The following THBS2 variants were observed in gnomAD, a reference collection of about 807,000 sequenced individuals.
The protein encoded by THBS2 is thrombospondin 2.
A neutral mutation model predicts 135.2 loss-of-function variants in THBS2; 47 were observed. The ratio of observed to expected loss-of-function variants is 0.35; its 90% CI spans 0.28 to 0.44. The LOEUF (loss-of-function observed/expected upper bound fraction) is 0.44. THBS2 is among the 20% of genes least tolerant of loss of function. The pLI, the probability that THBS2 is intolerant of heterozygous loss-of-function variation, is 1.00. For missense variants in THBS2, 1,288 were observed against 1,603.1 expected (o/e 0.80, Z 3.36); for synonymous variants, 639 against 633.8 (o/e 1.01, Z -0.12).
At chr6:169,247,312 G>A (rs1163491227) in intron 3 of THBS2, among the ~76,000 whole-genome samples, 1 of 152,194 alleles carries the variant, frequency 6.6e-6, no homozygotes, top group Non-Finnish European at 1.5e-5. Flanking sequence ...GTACGTATGT[G>A]CTGACAACTG....
intron 8 of THBS2, 38 bp from the exon 9 acceptor site, chr6:169,237,384 C>G (rs774854491): frequency 2.5e-6 from 4 of 1,610,700 alleles, no homozygotes; most frequent in Non-Finnish European, 3.4e-6. Context: ...GCTGTGCCGC[C>G]TAGAGGGGTA....
Position 169,243,006 on chromosome 6 carries a change from T to TGC in THBS2, c.695-1049_695-1048insGC, listed in dbSNP as rs1562363420. 6.4e-4 allele frequency among the ~76,000 whole-genome samples: 64 copies of TGC among 100,114 alleles called. 5 individuals are homozygous for TGC. Among genetic ancestry groups the TGC allele is most frequent in the African/African-American group, 2.4e-3 (59 of 25,066 alleles). 65.7% of individuals were successfully genotyped at this position (100,114 alleles called of 152,430 possible). On this transcript the variant is annotated intron_variant, in intron 4 of 21. Coordinates refer to ENST00000617924, the MANE Select transcript of THBS2 (RefSeq NM_003247.5). Reference sequence around the variant, plus strand: ...CTTCCCACATTCGCACCTTCCCACCTTCCCACATTCCCACCTTCCCACCTT... The same window carrying TGC: ...CTTCCCACATTCGCACCTTCCCACCTGCTCCCACATTCCCACCTTCCCACCTT...
chr6:169,243,502 T>G (rs1056747749), intron 4 of THBS2, among the ~76,000 whole-genome samples: 9 of 152,136 alleles, frequency 5.9e-5, no homozygotes, highest in African/African-American at 2.2e-4. Flanking sequence ...TTTACAGCGC[T>G]GTCAGGCATT....
At chr6:169,222,056 T>C in intron 19 of THBS2, 141 bp downstream of exon 19, 1 of 1,019,532 alleles carries the variant, frequency 9.8e-7, no homozygotes, top group African/African-American at 1.6e-5. Context: ...TATAATAAAG[T>C]AAGATTATTA....
intron 21 of THBS2, among the ~76,000 whole-genome samples, chr6:169,218,452 AGATG>A (rs1267555462): frequency 5.9e-4 from 57 of 97,316 alleles, no homozygotes; most frequent in Non-Finnish European, 1.0e-3. Context: ...TGGGTGGCTG[AGATG>A]GATGGATGGG....
At position 169,222,377 on chromosome 6, in the gene THBS2, G is replaced by A. The variant is rs1258132453; in HGVS notation, c.3093C>T (p.Tyr1031=). 6.2e-7 allele frequency: 1 copy of A among 1,613,682 alleles called. No homozygotes were observed. Among genetic ancestry groups the A allele is most frequent in the East Asian group, 2.2e-5 (1 of 44,872 alleles). The stretch of plus-strand genomic sequence containing the variant: ...CCACATAGAAGCGGCTGCTTGACTG[G>A]TAACCAAAGACGAAGCCGGCATAGT... ...DDDYAGFVFG[Y]QSSSRFYVVM... The change falls in exon 19 of 22, where the codon TAC becomes TAT. Residue 1031 remains tyrosine, a synonymous_variant. Transcript: ENST00000617924.
At position 169,220,323 on chromosome 6, in the gene THBS2, TC is replaced by T; in HGVS notation, c.3385del (p.Glu1129LysfsTer82). 6.2e-7 allele frequency: 1 copy of T among 1,612,572 alleles called. No homozygotes were observed. The highest frequency in any genetic ancestry group is 8.5e-7 in the Non-Finnish European group (1 of 1,179,416). On this transcript the variant is annotated frameshift_variant, in exon 21 of 22. Transcript: ENST00000617924. LOFTEE classifies it high-confidence loss of function. Reference protein sequence around the residue: ...KTGYIRVLVHEGKQVMADSGP... With the variant: ...KTGYIRVLVHXGKQVMADSGP... ...TGAGTCTGCCATGACCTGTTTTCCT[TC>T]ATGCACTAAGACTCTAAAAATGGTG...
chr6:169,232,282 C>T (rs1779867178), intron 12 of THBS2, 84 bp from the exon 13 acceptor site: 2 of 1,477,100 alleles, frequency 1.4e-6, no homozygotes, highest in African/African-American at 1.4e-5. Context: ...GCACCGCAGG[C>T]CCCAGCAGGT....
chr6:169,245,462 C>T (rs1780507433), intron 4 of THBS2, among the ~76,000 whole-genome samples: 1 of 152,140 alleles, frequency 6.6e-6, no homozygotes, highest in South Asian at 2.1e-4. Flanking sequence ...GCATAGATTT[C>T]CATCATATGA....
In THBS2 at chr6:169,241,417, A is replaced by G. The variant is rs972352151; in HGVS notation, c.891+345T>C. On this transcript the variant is annotated intron_variant, in intron 5 of 21. Coordinates refer to ENST00000617924, the MANE Select transcript of THBS2 (RefSeq NM_003247.5). This position sits in a 1 kb window ranked among gnomAD's most constrained non-coding sequence, Gnocchi z 5.5. ...CCTCTGCAGGTGTGTGTGTGTGTGT[A>G]TGTGTGTGTATGTGTGTGTGTATGT... Among the ~76,000 whole-genome samples the G allele has an allele frequency of 2.0e-5, 3 of 148,376 alleles. No individual in the cohort carries two copies. The highest frequency in any genetic ancestry group is 3.0e-5 in the Non-Finnish European group (2 of 67,012).
Position 169,232,092 on chromosome 6 carries a change from C to A in THBS2, c.2039G>T (p.Cys680Phe). 6.2e-7 allele frequency: 1 copy of A among 1,614,120 alleles called. No individual in the cohort carries two copies. The change falls in exon 13 of 22, where the codon TGC becomes TTC. Residue 680 changes from cysteine to phenylalanine, a missense_variant. Cys to Phe is a radical substitution (Grantham distance 205, BLOSUM62 -2). This residue lies in a region of THBS2 where 874 missense variants were observed against 1,156.1 expected (regional missense o/e 0.76). Coordinates refer to ENST00000617924, the MANE Select transcript of THBS2 (RefSeq NM_003247.5). ...CCCGTCGCCCGCGTAGCCTGTCTGG[C>A]ACTCGCACTTGTACATGGGGTCGCT... is the stretch of plus-strand genomic sequence containing the variant. ...HFSDPMYKCE[C>F]QTGYAGDGLI...
chr6:169,229,807 C>T (rs1438238237), intron 13 of THBS2, 128 bp from the exon 14 acceptor site: 36 of 703,706 alleles, frequency 5.1e-5, no homozygotes, highest in Non-Finnish European at 6.9e-5. Context: ...CGATCTCAAG[C>T]GGGAGCTGAG....
chr6:169,233,128 T>C, intron 10 of THBS2, 111 bp from the exon 11 acceptor site: 2 of 1,381,858 alleles, frequency 1.4e-6, no homozygotes, highest in Non-Finnish European at 1.9e-6. Context: ...TCGAATTGTG[T>C]AGTCAGGAAC....
At chr6:169,233,090 C>T (rs11756502) in intron 10 of THBS2, 73 bp from the exon 11 acceptor site, 297,610 of 1,430,916 alleles carry the variant, frequency 0.21, 34,821 homozygotes, top group African/African-American at 0.43. Flanking sequence ...CCCTGTGGGC[C>T]GTCAAACACT....
At position 169,248,707 on chromosome 6, in the gene THBS2, C is replaced by T. The variant is rs1780648984; in HGVS notation, c.319G>A (p.Gly107Ser). 10 of 1,613,600 alleles carry T rather than the reference C, an allele frequency of 6.2e-6. No homozygotes were observed. Among genetic ancestry groups the T allele is most frequent in the East Asian group, 2.2e-5 (1 of 44,802 alleles). The stretch of plus-strand genomic sequence containing the variant: ...ATCTCGAACTGCCTCTGGGAGAGAC[C>T]GGGGCCCTCCAGAGCCAACAGCGTG... ...RGTLLALEGP[G>S]LSQRQFEIVS... The change falls in exon 3 of 22, where the codon GGT becomes AGT. Residue 107 changes from glycine (G) to serine (S), a missense_variant. Physicochemically the swap from Gly to Ser is moderately conservative, Grantham distance 56 (BLOSUM62 0). Coordinates refer to ENST00000617924, the MANE Select transcript of THBS2 (RefSeq NM_003247.5).
chr6:169,220,263 C>G lies in THBS2; in HGVS notation c.3446G>C (p.Arg1149Pro), dbSNP rs748523629. The G allele has an allele frequency of 6.2e-7, 1 of 1,613,904 alleles. No homozygotes were observed. The highest frequency in any genetic ancestry group is 8.5e-7 in the Non-Finnish European group (1 of 1,179,952). Residue 1149 changes from arginine to proline, a missense_variant, in exon 21 of 22, where the codon CGG (arginine) becomes CCG (proline). Coordinates refer to ENST00000617924, the MANE Select transcript of THBS2 (RefSeq NM_003247.5). ...PIYDQTYAGGRLGLFVFSQEM... is the reference protein window; with the variant it reads ...PIYDQTYAGGPLGLFVFSQEM... ...TTGAGAGAAGACAAATAGACCCAGC[C>G]GCCCGCCAGCGTAGGTTTGGTCATA...
chr6:169,232,081 A>T lies in THBS2; in HGVS notation c.2050T>A (p.Tyr684Asn). 1 of 1,614,096 alleles carries T rather than the reference A, an allele frequency of 6.2e-7. No individual in the cohort carries two copies. Among genetic ancestry groups the T allele is most frequent in the South Asian group, 1.1e-5 (1 of 91,082 alleles). Residue 684 changes from tyrosine (Y) to asparagine (N), a missense_variant, in exon 13 of 22, where the codon TAC (tyrosine) becomes AAC (asparagine). Physicochemically the swap from Tyr to Asn is moderately radical, Grantham distance 143 (BLOSUM62 -2). This residue lies in a region of THBS2 where 874 missense variants were observed against 1,156.1 expected (regional missense o/e 0.76). Transcript: ENST00000617924. ...PMYKCECQTG[Y>N]AGDGLICGED... ...CCGCAGATGAGCCCGTCGCCCGCGT[A>T]GCCTGTCTGGCACTCGCACTTGTAC...
intron 3 of THBS2, among the ~76,000 whole-genome samples, chr6:169,246,769 T>A (rs1325038327): frequency 6.6e-6 from 1 of 152,160 alleles, no homozygotes; most frequent in Non-Finnish European, 1.5e-5. Context: ...CTATATGGTA[T>A]GGAACTCCTG....
rs184952882 is a variant in THBS2 at position 169,225,205 on chromosome 6, C to T, written c.2713G>A (p.Val905Ile). 87 of 1,614,182 alleles carry T rather than the reference C, an allele frequency of 5.4e-5. No individual in the cohort carries two copies. Among genetic ancestry groups the T allele is most frequent in the East Asian group, 2.0e-4 (9 of 44,884 alleles). ...CGGCAGTTGTCCCTGTCATCGGGGA[C>T]GCCATCGTTGTCATCATCAGGGTCA... ...ACDPDDDNDG[V>I]PDDRDNCRLV... The change falls in exon 17 of 22, where the codon GTC (valine) becomes ATC (isoleucine). Residue 905 changes from valine (V) to isoleucine (I), a missense_variant. By Grantham distance (29) the Val-to-Ile change is conservative (BLOSUM62 3). Around this residue, in one of 2 missense-constraint regions of THBS2, gnomAD observed 874 missense variants for 1,156.1 expected, o/e 0.76. Transcript: ENST00000617924.
Sources: gnomAD v4.1 joint callset for allele counts (sites outside exome capture counted in the v4.1 genomes callset) on GRCh38, gnomAD v4.1.1 for gene constraint, gnomAD v4.1.1 regional missense constraint, Gnocchi (gnomAD v3.1) non-coding constraint, MANE v1.5 for transcripts, NCBI Gene and HGNC (gene_info 2026-07-23, HGNC 2026-07-21) for gene names.